EPHB1: variants seen among roughly 807,000 people sequenced by gnomAD.
EPHB1 encodes EPH receptor B1.
In EPHB1, 30 loss-of-function variants were observed where a neutral mutation model predicts 94.4. The observed-to-expected ratio is 0.32, with a 90% CI of 0.24 to 0.43. The LOEUF (loss-of-function observed/expected upper bound fraction) is 0.43. Ranked by LOEUF, EPHB1 falls within the 20% of genes least tolerant of loss-of-function variation. The pLI is 1.00. For missense variants in EPHB1, 1,055 were observed against 1,308.3 expected (o/e 0.81, Z 2.99); for synonymous variants, 522 against 489.1 (o/e 1.07, Z -0.89).
chr3:134,883,075 G>A (rs1052332015), intron 1 of EPHB1, among the ~76,000 whole-genome samples: 6 of 152,084 alleles, frequency 3.9e-5, no homozygotes, highest in African/African-American at 1.4e-4. Context: ...GCCTGTCTTG[G>A]CCTCCCAAAG....
intron 3 of EPHB1, among the ~76,000 whole-genome samples, chr3:134,954,123 G>A (rs1390779481): frequency 6.6e-6 from 1 of 152,202 alleles, no homozygotes; most frequent in Non-Finnish European, 1.5e-5. Flanking sequence ...GTGGCATCTT[G>A]GGTCTTGTGG....
At chr3:135,041,506 A>G (rs1174053221) in intron 3 of EPHB1, among the ~76,000 whole-genome samples, 3 of 152,202 alleles carry the variant, frequency 2.0e-5, no homozygotes, top group African/African-American at 7.2e-5. Flanking sequence ...AGCCCTGAGC[A>G]GGTTCACCCC....
At chr3:134,940,402 G>T (rs2039088437) in intron 2 of EPHB1, among the ~76,000 whole-genome samples, 1 of 152,228 alleles carries the variant, frequency 6.6e-6, no homozygotes, top group African/African-American at 2.4e-5. Context: ...GGAAACTGAA[G>T]CTCAGAAAGT....
chr3:135,249,164 A>AGTC (rs1451852134), intron 14 of EPHB1, among the ~76,000 whole-genome samples, 172 bp from the exon 15 acceptor site: 2 of 152,160 alleles, frequency 1.3e-5, no homozygotes, highest in Non-Finnish European at 1.5e-5. Context: ...TGGATGTAGA[A>AGTC]GTCATGCTGA....
intron 3 of EPHB1, among the ~76,000 whole-genome samples, chr3:135,049,678 C>A (rs1375751754): frequency 6.6e-6 from 1 of 152,122 alleles, no homozygotes; most frequent in Admixed American, 6.6e-5. Flanking sequence ...AGGCATAGAC[C>A]CCACTTCTGG....
At chr3:134,944,597 C>T (rs1031962223) in intron 2 of EPHB1, among the ~76,000 whole-genome samples, 4 of 152,204 alleles carry the variant, frequency 2.6e-5, no homozygotes, top group East Asian at 1.9e-4. Context: ...AATGGTTTCT[C>T]TTTCCACTAG....
intron 1 of EPHB1, among the ~76,000 whole-genome samples, chr3:134,844,482 A>G (rs2036833535): frequency 6.6e-6 from 1 of 152,202 alleles, no homozygotes; most frequent in African/African-American, 2.4e-5. Context: ...CACTTGCCCC[A>G]GTCATGCCAT....
At chr3:135,103,886 G>T (rs528301130) in intron 3 of EPHB1, among the ~76,000 whole-genome samples, 3 of 152,296 alleles carry the variant, frequency 2.0e-5, no homozygotes, top group Admixed American at 2.0e-4. Flanking sequence ...CAGAGCTACT[G>T]TCCTCCATCA....
intron 14 of EPHB1, among the ~76,000 whole-genome samples, chr3:135,249,104 C>G (rs1347805701): frequency 6.6e-6 from 1 of 152,174 alleles, no homozygotes; most frequent in African/African-American, 2.4e-5. Flanking sequence ...ACCTGTCTGT[C>G]TGGGTTAACT....
At chr3:135,003,516 T>A (rs1283470880) in intron 3 of EPHB1, among the ~76,000 whole-genome samples, 2 of 149,454 alleles carry the variant, frequency 1.3e-5, no homozygotes, top group Admixed American at 1.3e-4. Context: ...GGTATCCTTG[T>A]TGACTTTCTG....
chr3:135,076,219 A>G lies in EPHB1; in HGVS notation c.806-30229A>G, dbSNP rs927601299. ...GATTCGAGAAAAATATTTGTATATC[A>G]TTTATCTGAAAAGGGATATATATAT... On this transcript the variant is annotated intron_variant, in intron 3 of 15. Coordinates refer to ENST00000398015, the MANE Select transcript of EPHB1 (RefSeq NM_004441.5). 3.7e-5 allele frequency among the ~76,000 whole-genome samples: 5 copies of G among 135,668 alleles called. No individual in the cohort carries two copies. The South Asian group carries it at 7.8e-4, about 21-fold the overall frequency. 89.0% of individuals were successfully genotyped at this position (135,668 alleles called of 152,430 possible).
intron 1 of EPHB1, among the ~76,000 whole-genome samples, chr3:134,857,773 T>C (rs892322789): frequency 2.6e-5 from 4 of 152,198 alleles, no homozygotes; most frequent in African/African-American, 9.6e-5. Context: ...TTAAATTTTA[T>C]CCTTTATTCC....
chr3:135,158,087 A>G (rs1325460399), intron 6 of EPHB1, among the ~76,000 whole-genome samples: 1 of 152,240 alleles, frequency 6.6e-6, no homozygotes, highest in East Asian at 1.9e-4. Flanking sequence ...GTGGCTCCCA[A>G]AATAAGAGAT....
At chr3:135,086,274 TGGA>T (rs754672526) in intron 3 of EPHB1, among the ~76,000 whole-genome samples, 6 of 139,486 alleles carry the variant, frequency 4.3e-5, no homozygotes, top group Admixed American at 7.7e-5. Context: ...GACGGTGGGA[TGGA>T]GGAGGACCAG....
chr3:134,955,690 C>T lies in EPHB1; in HGVS notation c.805+3638C>T, dbSNP rs995383443. On this transcript the variant is annotated intron_variant, in intron 3 of 15. Coordinates refer to ENST00000398015, the MANE Select transcript of EPHB1 (RefSeq NM_004441.5). ...ATGCACACGTATGTTTATTGCGGCA[C>T]TATTCACAATAGCAAAGACTTGGGA... 3.3e-5 allele frequency among the ~76,000 whole-genome samples: 5 copies of T among 150,788 alleles called. 2 individuals carry two copies. Among genetic ancestry groups the T allele is most frequent in the Non-Finnish European group, 7.4e-5 (5 of 67,758 alleles).
At chr3:135,047,268 A>G (rs1472939253) in intron 3 of EPHB1, among the ~76,000 whole-genome samples, 3 of 152,230 alleles carry the variant, frequency 2.0e-5, no homozygotes, top group Non-Finnish European at 2.9e-5. Flanking sequence ...TAGAGCAAGT[A>G]ACCTTTGCAG....
chr3:134,898,660 G>C (rs1321404242), intron 1 of EPHB1, among the ~76,000 whole-genome samples: 1 of 152,192 alleles, frequency 6.6e-6, no homozygotes, highest in Admixed American at 6.5e-5. Flanking sequence ...AGCAATGTCT[G>C]TACAGGGTCT....
intron 3 of EPHB1, among the ~76,000 whole-genome samples, chr3:135,030,598 C>G (rs551784047): frequency 1.3e-5 from 2 of 152,230 alleles, no homozygotes; most frequent in Non-Finnish European, 2.9e-5. Context: ...TCTCCAGCTG[C>G]GTCCTGGGAG....
At chr3:135,176,187 CT>C (rs1002406690) in intron 9 of EPHB1, among the ~76,000 whole-genome samples, 10 of 152,062 alleles carry the variant, frequency 6.6e-5, no homozygotes, top group African/African-American at 2.4e-4. Flanking sequence ...AGTCACTCTC[CT>C]GATTTAGAAC....
Sources: gnomAD v4.1 joint callset for allele counts (sites outside exome capture counted in the v4.1 genomes callset) on GRCh38, gnomAD v4.1.1 for gene constraint, MANE v1.5 for transcripts, NCBI Gene and HGNC (gene_info 2026-07-23, HGNC 2026-07-21) for gene names.